The following EDNRA variants were observed in gnomAD, a reference collection of about 807,000 sequenced individuals.
The protein encoded by EDNRA is endothelin receptor type A.
In EDNRA, 11 loss-of-function variants were observed where a neutral mutation model predicts 41.4. The observed-to-expected ratio is 0.27, with a 90% CI of 0.17 to 0.44. The LOEUF (loss-of-function observed/expected upper bound fraction) is 0.44. Among genes scored for constraint, EDNRA ranks in the 20% least tolerant of loss-of-function variants. EDNRA has a pLI of 1.00. For missense variants in EDNRA, 294 were observed against 531.0 expected (o/e 0.55, Z 4.39); for synonymous variants, 172 against 183.0 (o/e 0.94, Z 0.49).
intron 2 of EDNRA, chr4:147,492,379 C>T (rs541032087): frequency 4.6e-5 from 7 of 152,292 alleles, no homozygotes; most frequent in African/African-American, 1.7e-4. Flanking sequence ...AGCAGACCTG[C>T]TTATTGAGTT....
At chr4:147,491,573 G>A (rs1485287105) in intron 2 of EDNRA, 1 of 144,182 alleles carries the variant, frequency 6.9e-6, no homozygotes, top group Non-Finnish European at 1.5e-5. Flanking sequence ...TGAAGGTGGG[G>A]GTGGTGGTGG....
intron 2 of EDNRA, chr4:147,488,099 C>T (rs1442534184): frequency 1.3e-5 from 2 of 152,226 alleles, no homozygotes; most frequent in Non-Finnish European, 2.9e-5. Flanking sequence ...ACCAACCCAT[C>T]ATGGCTCAAG....
chr4:147,489,760 T>C (rs1305384350), intron 2 of EDNRA: 1 of 152,150 alleles, frequency 6.6e-6, no homozygotes, highest in Non-Finnish European at 1.5e-5. Flanking sequence ...TCAGAGCTTC[T>C]TCCCCATAAC....
rs10570878 is a variant in EDNRA at position 147,486,901 on chromosome 4, T to TAA, written c.420+815_420+816dup. Among the ~76,000 whole-genome samples, 2 of 139,756 alleles carry TAA rather than the reference T, an allele frequency of 1.4e-5. No homozygotes were observed. Among genetic ancestry groups the TAA allele is most frequent in the Non-Finnish European group, 1.6e-5 (1 of 63,418 alleles). The allele number at this position is 139,756 out of a possible 152,430, so 91.7% of individuals were successfully genotyped here. A position where few individuals can be genotyped will look rare whatever the true frequency, so the allele number is the denominator to read the frequency against. On this transcript the variant is annotated intron_variant, in intron 2 of 7. Coordinates refer to ENST00000651419, the MANE Select transcript of EDNRA (RefSeq NM_001957.4). This position sits in a 1 kb window ranked among gnomAD's most constrained non-coding sequence, Gnocchi z 4.3. Reference sequence around the variant, plus strand: ...TATTAGGCCATTTCTACATTGCTATTAAAAAAAAAAAAAAAAGGCTGGGTA... The same window carrying TAA: ...TATTAGGCCATTTCTACATTGCTATTAAAAAAAAAAAAAAAAAAGGCTGGGTA...
At chr4:147,499,636 C>T (rs534219779) in intron 2 of EDNRA, among the ~76,000 whole-genome samples, 60 of 152,210 alleles carry the variant, frequency 3.9e-4, no homozygotes, top group African/African-American at 1.3e-3. Context: ...TTCAATACAT[C>T]GTCCTTTGGG....
At chr4:147,501,541 C>T (rs1729517513) in intron 2 of EDNRA, among the ~76,000 whole-genome samples, 1 of 152,296 alleles carries the variant, frequency 6.6e-6, no homozygotes, top group South Asian at 2.1e-4. Flanking sequence ...AGCGAATCAC[C>T]TTTAAAAGAT....
rs1400405493 is a variant in EDNRA, at chr4:147,542,462, C to A, written c.1144-16C>A. 1.2e-5 allele frequency: 20 copies of A among 1,614,004 alleles called. No individual in the cohort carries two copies. Among genetic ancestry groups the A allele is most frequent in the East Asian group, 2.2e-5 (1 of 44,876 alleles). ...CTGGTAGGCTCGCCTTACTTCGAGTCTGTTCCTTCCCCCAGTCATGCCTCT... is the reference window on the plus strand; with the variant it reads ...CTGGTAGGCTCGCCTTACTTCGAGTATGTTCCTTCCCCCAGTCATGCCTCT... On this transcript the variant is annotated splice_polypyrimidine_tract_variant and intron_variant, in intron 7 of 7. Transcript: ENST00000651419.
chr4:147,542,641 G>A lies in EDNRA; in HGVS notation c.*23G>A, dbSNP rs1396049298. 5 of 1,611,980 alleles carry A rather than the reference G, an allele frequency of 3.1e-6. No homozygotes were observed. In the Admixed American group the frequency reaches 8.4e-5, roughly 27 times the overall value. ...TGACCACCCTTAGAAGCACTCCTCG[G>A]TACTCCCATAATCCTCTCGGAGAAA... is the stretch of plus-strand genomic sequence containing the variant. On this transcript the variant is annotated 3_prime_UTR_variant, in exon 8 of 8. Transcript: ENST00000651419.
chr4:147,516,993 T>TG (rs546521783), intron 2 of EDNRA, among the ~76,000 whole-genome samples: 11 of 146,574 alleles, frequency 7.5e-5, no homozygotes, highest in African/African-American at 2.7e-4. Flanking sequence ...TTTCTTTTTG[T>TG]AAAAAAAAAA....
At chr4:147,535,661 G>A (rs1277292456) in intron 4 of EDNRA, among the ~76,000 whole-genome samples, 1 of 152,136 alleles carries the variant, frequency 6.6e-6, no homozygotes, top group Non-Finnish European at 1.5e-5. Flanking sequence ...TGTAAGTGCA[G>A]TTTCTTTATG....
intron 2 of EDNRA, among the ~76,000 whole-genome samples, chr4:147,515,122 A>T (rs1350536256): frequency 6.6e-6 from 1 of 152,166 alleles, no homozygotes; most frequent in African/African-American, 2.4e-5. Flanking sequence ...GGACCCTTAA[A>T]GACTACTAAT....
chr4:147,503,327 T>C (rs1479514186), intron 2 of EDNRA, among the ~76,000 whole-genome samples: 1 of 152,142 alleles, frequency 6.6e-6, no homozygotes, highest in Non-Finnish European at 1.5e-5. Flanking sequence ...TTGCAAGTCT[T>C]GTCCTGAGCG....
At chr4:147,539,680 T>C (rs941202159) in intron 5 of EDNRA, 137 bp from the exon 6 acceptor site, 2 of 978,786 alleles carry the variant, frequency 2.0e-6, no homozygotes, top group Non-Finnish European at 3.0e-6. Flanking sequence ...GTAGAGGCAG[T>C]GTAAGCCAGG....
intron 3 of EDNRA, among the ~76,000 whole-genome samples, chr4:147,527,902 T>G (rs2126465039): frequency 6.6e-6 from 1 of 152,330 alleles, no homozygotes; most frequent in East Asian, 1.9e-4. Context: ...ATGCCAGCTC[T>G]CAGGTTCCCA....
intron 2 of EDNRA, among the ~76,000 whole-genome samples, chr4:147,509,259 A>G (rs961056442): frequency 6.6e-6 from 1 of 152,184 alleles, no homozygotes; most frequent in African/African-American, 2.4e-5. Context: ...GTGATGGTGA[A>G]GAGTACAATG....
chr4:147,514,185 A>G (rs1245542702), intron 2 of EDNRA, among the ~76,000 whole-genome samples: 1 of 152,194 alleles, frequency 6.6e-6, no homozygotes, highest in Non-Finnish European at 1.5e-5. Context: ...CCATTTAACA[A>G]ATACAGAAAC....
intron 2 of EDNRA, among the ~76,000 whole-genome samples, chr4:147,499,566 C>T (rs1729436386): frequency 6.6e-6 from 1 of 152,188 alleles, no homozygotes; most frequent in African/African-American, 2.4e-5. Context: ...AACCACAATT[C>T]ACATGTTTTC....
intron 3 of EDNRA, among the ~76,000 whole-genome samples, chr4:147,528,100 C>T (rs1445989296): frequency 1.3e-5 from 2 of 152,172 alleles, no homozygotes; most frequent in African/African-American, 2.4e-5. Context: ...TTACACAGTA[C>T]ATCTGTGTAA....
intron 2 of EDNRA, among the ~76,000 whole-genome samples, chr4:147,496,926 G>A (rs1729318783): frequency 6.6e-6 from 1 of 152,002 alleles, no homozygotes. Context: ...GCATATATAT[G>A]TTGAATATGT....
Sources: allele counts gnomAD v4.1 joint callset (sites outside exome capture counted in the v4.1 genomes callset), GRCh38; gene constraint gnomAD v4.1.1; non-coding constraint Gnocchi (gnomAD v3.1); transcripts MANE v1.5; gene names NCBI Gene and HGNC (gene_info 2026-07-23, HGNC 2026-07-21).